Variants in GATAD2B observed in about 807,000 individuals in gnomAD.
GATAD2B encodes transcriptional repressor p66-beta.
A neutral mutation model predicts 64.3 loss-of-function variants in GATAD2B; 8 were observed. The observed-to-expected ratio is 0.12, with a 90% confidence interval of 0.07 to 0.22. GATAD2B has a LOEUF of 0.22. Among genes scored for constraint, GATAD2B ranks in the 10% least tolerant of loss-of-function variants. GATAD2B has a pLI of 1.00. For missense variants in GATAD2B, 453 were observed against 752.0 expected, an observed-to-expected ratio of 0.60 and a Z score of 4.65; for synonymous variants, 281 against 271.3, an observed-to-expected ratio of 1.04 and a Z score of -0.35.
intron 1 of GATAD2B, among the ~76,000 whole-genome samples, chr1:153,888,041 C>T (rs938589129): frequency 6.6e-6 from 1 of 151,262 alleles, no homozygotes; most frequent in African/African-American, 2.4e-5. Flanking sequence ...GAGCTGAGAT[C>T]GCGCCACTGC....
At chr1:153,810,934 T>G (rs1215943307) in intron 10 of GATAD2B, among the ~76,000 whole-genome samples, 2 of 151,944 alleles carry the variant, frequency 1.3e-5, no homozygotes, top group African/African-American at 2.4e-5. Context: ...GGGCTAATTT[T>G]TTGTATTTTC....
chr1:153,842,123 G>A (rs1675518258), intron 1 of GATAD2B, among the ~76,000 whole-genome samples: 1 of 152,170 alleles, frequency 6.6e-6, no homozygotes, highest in African/African-American at 2.4e-5. Context: ...TGAAGTGTGT[G>A]CCACTGCACC....
intron 1 of GATAD2B, among the ~76,000 whole-genome samples, chr1:153,905,977 G>C (rs1015742615): frequency 1.3e-5 from 2 of 150,256 alleles, no homozygotes; most frequent in African/African-American, 2.4e-5. Flanking sequence ...TGAGACAGGA[G>C]AATCGCTTGA....
At chr1:153,839,136 A>T (rs1037691918) in intron 1 of GATAD2B, among the ~76,000 whole-genome samples, 3 of 136,026 alleles carry the variant, frequency 2.2e-5, no homozygotes, top group African/African-American at 8.0e-5. Flanking sequence ...AAAAAAAAAG[A>T]AAGTTTAAGG....
At chr1:153,880,968 C>T (rs1433386735) in intron 1 of GATAD2B, among the ~76,000 whole-genome samples, 2 of 152,080 alleles carry the variant, frequency 1.3e-5, no homozygotes, top group African/African-American at 4.8e-5. Flanking sequence ...CTTTCTAAGA[C>T]AGCAAGGAAA....
chr1:153,878,774 C>CTTTTTTTTT (rs71093297), intron 1 of GATAD2B, among the ~76,000 whole-genome samples: 1 of 108,124 alleles, frequency 9.2e-6, no homozygotes, highest in Admixed American at 1.2e-4. Flanking sequence ...TACTTTATTC[C>CTTTTTTTTT]TTTTTTTTTT....
At chr1:153,862,378 C>T (rs1231898375) in intron 1 of GATAD2B, among the ~76,000 whole-genome samples, 2 of 152,046 alleles carry the variant, frequency 1.3e-5, no homozygotes, top group African/African-American at 2.4e-5. Context: ...CCGCCTCAAC[C>T]TCCCAAAGTG....
intron 1 of GATAD2B, 107 bp from the exon 2 acceptor site, chr1:153,828,455 T>TACACACACACAC (rs71093290): frequency 3.8e-5 from 22 of 584,298 alleles, no homozygotes; most frequent in East Asian, 2.9e-4. Flanking sequence ...CTCTCACACA[T>TACACACACACAC]ACACACACAC....
At chr1:153,824,506 G>A (rs1206270646) in intron 2 of GATAD2B, among the ~76,000 whole-genome samples, 4 of 151,118 alleles carry the variant, frequency 2.6e-5, no homozygotes, top group African/African-American at 9.7e-5. Context: ...CAGCTACTCA[G>A]GAGGCTGAGG....
At chr1:153,818,980 C>T (rs1674580568) in intron 3 of GATAD2B, 58 bp from the exon 4 acceptor site, 6 of 1,559,906 alleles carry the variant, frequency 3.8e-6, no homozygotes, top group African/African-American at 1.4e-5. Context: ...TTCCTTCCTG[C>T]AAGAGACAAT....
In GATAD2B at chr1:153,835,485, A is replaced by G. The variant is rs531612498; in HGVS notation, c.-1-7137T>C. Reference sequence around the variant, plus strand: ...TGCCTGTAATCTCAAAAAAAAAAAAAAATTGCCAGGTTACCCCAACCTTCA... The same window carrying G: ...TGCCTGTAATCTCAAAAAAAAAAAAGAATTGCCAGGTTACCCCAACCTTCA... On this transcript the variant is annotated intron_variant, in intron 1 of 10. Transcript: ENST00000368655. 3.3e-5 allele frequency among the ~76,000 whole-genome samples: 5 copies of G among 152,154 alleles called. No homozygotes were observed. The South Asian group carries it at 1.0e-3, about 32-fold the overall frequency.
chr1:153,870,583 A>G (rs76006953), intron 1 of GATAD2B, among the ~76,000 whole-genome samples: 1 of 152,142 alleles, frequency 6.6e-6, no homozygotes, highest in African/African-American at 2.4e-5. Flanking sequence ...AAAAAAAAGG[A>G]AAAAATCCAA....
At chr1:153,857,729 TGAA>T (rs1676142697) in intron 1 of GATAD2B, among the ~76,000 whole-genome samples, 1 of 152,158 alleles carries the variant, frequency 6.6e-6, no homozygotes, top group Admixed American at 6.6e-5. Flanking sequence ...TTCTTACATG[TGAA>T]GAAGAGCTCC....
intron 1 of GATAD2B, among the ~76,000 whole-genome samples, chr1:153,896,433 CTTTTT>C (rs35275252): frequency 8.6e-6 from 1 of 115,978 alleles, no homozygotes; most frequent in Admixed American, 9.2e-5. Context: ...GTAAAATTTT[CTTTTT>C]TTTTTTTTTT....
At chr1:153,881,029 C>T (rs1367814388) in intron 1 of GATAD2B, among the ~76,000 whole-genome samples, 1 of 151,972 alleles carries the variant, frequency 6.6e-6, no homozygotes, top group South Asian at 2.1e-4. Flanking sequence ...CTCTAAGCCT[C>T]CCCCCTCCCT....
At chr1:153,906,188 A>T (rs948827123) in intron 1 of GATAD2B, among the ~76,000 whole-genome samples, 2 of 149,288 alleles carry the variant, frequency 1.3e-5, no homozygotes, top group Non-Finnish European at 3.0e-5. Context: ...GGCTCTCTTG[A>T]TCTCACTTGA....
intron 2 of GATAD2B, among the ~76,000 whole-genome samples, chr1:153,822,692 T>C (rs1353883640): frequency 1.3e-5 from 2 of 152,056 alleles, no homozygotes; most frequent in African/African-American, 4.8e-5. Flanking sequence ...AGAGACGGGG[T>C]TTCACTATGT....
chr1:153,919,269 T>C (rs568873853), intron 1 of GATAD2B, among the ~76,000 whole-genome samples: 30 of 152,150 alleles, frequency 2.0e-4, no homozygotes, highest in Middle Eastern at 3.4e-3. Flanking sequence ...ATGGCAAAGG[T>C]AAGGGGGATT....
chr1:153,828,820 A>AT (rs1192113924), intron 1 of GATAD2B, among the ~76,000 whole-genome samples: 5 of 152,112 alleles, frequency 3.3e-5, no homozygotes, highest in Non-Finnish European at 7.4e-5. Context: ...AAGAAGCACT[A>AT]TTTTTTTCTT....
Sources: gnomAD v4.1 joint callset for allele counts (sites outside exome capture counted in the v4.1 genomes callset) on GRCh38, gnomAD v4.1.1 for gene constraint, MANE v1.5 for transcripts, NCBI Gene and HGNC (gene_info 2026-07-23, HGNC 2026-07-21) for gene names.